Variants in MYRFL observed in about 807,000 individuals in gnomAD.
MYRFL encodes the protein myelin regulatory factor like.
A neutral mutation model predicts 109.4 loss-of-function variants in MYRFL; 88 were observed. The observed-to-expected ratio is 0.80, with a 90% CI of 0.68 to 0.96. MYRFL has a LOEUF of 0.96. Among genes scored for constraint, MYRFL ranks in the 40% least tolerant of loss-of-function variants. The pLI is 0.00. For missense variants in MYRFL, 957 were observed against 954.9 expected, an observed-to-expected ratio of 1.00 and a Z score of -0.03; for synonymous variants, 324 against 320.9, an observed-to-expected ratio of 1.01 and a Z score of -0.10.
intron 2 of MYRFL, among the ~76,000 whole-genome samples, chr12:69,868,602 T>G (rs1219187494): frequency 6.6e-6 from 1 of 152,194 alleles, no homozygotes; most frequent in Admixed American, 6.5e-5. Context: ...CCTTGCAGTC[T>G]GCCAGCACAG....
At chr12:69,927,397 G>T (rs201000639) in intron 14 of MYRFL, among the ~76,000 whole-genome samples, 1 of 144,888 alleles carries the variant, frequency 6.9e-6, no homozygotes, top group African/African-American at 2.5e-5. Flanking sequence ...TGGTCCTCAG[G>T]GGGAAAACTT....
chr12:69,903,986 A>G lies in MYRFL; in HGVS notation c.1383+142A>G, dbSNP rs1954278208. The G allele has an allele frequency of 1.1e-5, 8 of 700,430 alleles. No individual in the cohort carries two copies. The Admixed American group carries it at 2.6e-4, about 22-fold the overall frequency. 43.4% of individuals were successfully genotyped at this position (700,430 alleles called of 1,614,324 possible). A position where few individuals can be genotyped will look rare whatever the true frequency, so the allele number is the denominator to read the frequency against. On this transcript the variant is annotated intron_variant, in intron 11 of 24. Coordinates refer to ENST00000552032, the MANE Select transcript of MYRFL (RefSeq NM_182530.3). ...GAGATGAACACACTGCTTAAAAATG[A>G]TGACTGAGCTGCTGGGCATCTCTGC...
intron 19 of MYRFL, among the ~76,000 whole-genome samples, chr12:69,949,106 A>C (rs1043798687): frequency 6.6e-6 from 1 of 152,192 alleles, no homozygotes; most frequent in Non-Finnish European, 1.5e-5. Context: ...GTGAATGGGT[A>C]AGTAAACTAG....
At chr12:69,952,247 T>A in intron 20 of MYRFL, 72 bp downstream of exon 20, 3 of 1,361,222 alleles carry the variant, frequency 2.2e-6, no homozygotes, top group Non-Finnish European at 3.0e-6. Flanking sequence ...TGTAAAAGCA[T>A]TGCTGGAGTG....
At chr12:69,852,697 C>T (rs1448875361) in intron 1 of MYRFL, among the ~76,000 whole-genome samples, 1 of 147,752 alleles carries the variant, frequency 6.8e-6, no homozygotes, top group Non-Finnish European at 1.5e-5. Context: ...AACATGTGAA[C>T]AAGGGTCTCT....
rs771415901 is a variant in MYRFL, at chr12:69,891,153, T to G, written c.890T>G (p.Val297Gly). ...CCAATAGAAATGTTTTACTTGAAAG[T>G]TTTTGGCACTAAGGTATGTCTTTTA... ...LKPIEMFYLK[V>G]FGTKVEATNQ... The change falls in exon 7 of 25, where the codon GTT becomes GGT. Residue 297 changes from valine to glycine, a missense_variant. Val to Gly is a moderately radical substitution (Grantham distance 109). Coordinates refer to ENST00000552032, the MANE Select transcript of MYRFL (RefSeq NM_182530.3). 16 of 1,514,452 alleles carry G rather than the reference T, an allele frequency of 1.1e-5. No homozygotes were observed. The South Asian group carries it at 1.9e-4, about 18-fold the overall frequency. The allele number at this position is 1,514,452 out of a possible 1,614,324, so 93.8% of individuals were successfully genotyped here. A position where few individuals can be genotyped will look rare whatever the true frequency, so the allele number is the denominator to read the frequency against.
At chr12:69,935,731 C>T (rs1592863364) in intron 16 of MYRFL, among the ~76,000 whole-genome samples, 1 of 152,220 alleles carries the variant, frequency 6.6e-6, no homozygotes, top group Non-Finnish European at 1.5e-5. Context: ...TGCCCTCCAC[C>T]GGTGGCACGC....
chr12:69,903,968 A>G, intron 11 of MYRFL, 124 bp downstream of exon 11: 3 of 836,632 alleles, frequency 3.6e-6, no homozygotes, highest in Non-Finnish European at 5.3e-6. Flanking sequence ...TGTGAGATGA[A>G]CACACTGCTT....
In MYRFL at chr12:69,942,179, AT is replaced by A. The variant is rs1955675437; in HGVS notation, c.2224+5551del. 1.6e-5 allele frequency among the ~76,000 whole-genome samples: 2 copies of A among 127,556 alleles called. 1 individual carries two copies. Among genetic ancestry groups the A allele is most frequent in the South Asian group, 5.7e-4 (2 of 3,482 alleles). The allele number at this position is 127,556 out of a possible 152,430, so 83.7% of individuals were successfully genotyped here. ...AAAAAGAGGGAATCCTCCCTAACTC[AT>A]TTTATGAGGCCAGCATCATTCTGAT... On this transcript the variant is annotated intron_variant, in intron 19 of 24. Transcript: ENST00000552032.
At chr12:69,848,787 CTTATT>C (rs1883710876) in intron 1 of MYRFL, among the ~76,000 whole-genome samples, 1 of 152,124 alleles carries the variant, frequency 6.6e-6, no homozygotes, top group Non-Finnish European at 1.5e-5. Flanking sequence ...AACTAAAATA[CTTATT>C]TTATTTCTAA....
intron 5 of MYRFL, among the ~76,000 whole-genome samples, chr12:69,880,951 G>GGTTTTTTTTTTTTTTTTTTTTTTTTT (rs1555246956): frequency 2.7e-5 from 3 of 112,626 alleles, no homozygotes; most frequent in Non-Finnish European, 3.6e-5. Flanking sequence ...CAGCCTTCCT[G>GGTTTTTTTTTTTTTTTTTTTTTTTTT]TTTTTTTTTT....
At chr12:69,884,192 A>G (rs1241244024) in intron 5 of MYRFL, among the ~76,000 whole-genome samples, 1 of 152,254 alleles carries the variant, frequency 6.6e-6, no homozygotes, top group Non-Finnish European at 1.5e-5. Context: ...GAGATAATTT[A>G]AGGAGCTGAT....
In MYRFL at chr12:69,847,843, G is replaced by A. The variant is rs80200514; in HGVS notation, c.47-7437G>A. ...AGAAGCAGCATTTGCTTTCAACCTTGCTTTTCATGTAGTCTGAAAAAATCA... is the reference window on the plus strand; with the variant it reads ...AGAAGCAGCATTTGCTTTCAACCTTACTTTTCATGTAGTCTGAAAAAATCA... On this transcript the variant is annotated intron_variant, in intron 1 of 24. Transcript: ENST00000552032. 4.3e-4 allele frequency among the ~76,000 whole-genome samples: 66 copies of A among 152,156 alleles called. No homozygotes were observed. The East Asian group carries it at 0.011, about 24-fold the overall frequency.
intron 5 of MYRFL, among the ~76,000 whole-genome samples, chr12:69,884,444 C>T (rs907478703): frequency 2.0e-5 from 3 of 152,208 alleles, no homozygotes; most frequent in African/African-American, 7.2e-5. Flanking sequence ...GATACCCTTA[C>T]TGTTGTGATG....
At chr12:69,944,438 A>C (rs1665589891) in intron 19 of MYRFL, among the ~76,000 whole-genome samples, 2 of 146,240 alleles carry the variant, frequency 1.4e-5, no homozygotes, top group South Asian at 4.6e-4. Flanking sequence ...GCAAGAACAA[A>C]AAACCAAACA....
At chr12:69,904,066 T>G (rs1337184709) in intron 11 of MYRFL, 2 of 461,922 alleles carry the variant, frequency 4.3e-6, no homozygotes, top group Admixed American at 7.3e-5. Flanking sequence ...ACAGGAGCAG[T>G]GGGCAAAGAC....
At chr12:69,918,776 T>C (rs1177777945) in intron 13 of MYRFL, among the ~76,000 whole-genome samples, 1 of 152,224 alleles carries the variant, frequency 6.6e-6, no homozygotes, top group South Asian at 2.1e-4. Flanking sequence ...TTTGATTCAG[T>C]GTTTCATTGG....
In MYRFL at chr12:69,936,316, G is replaced by A. The variant is rs1303105417; in HGVS notation, c.2025G>A (p.Leu675=). 3 of 1,536,046 alleles carry A rather than the reference G, an allele frequency of 2.0e-6. No homozygotes were observed. Among genetic ancestry groups the A allele is most frequent in the African/African-American group, 2.7e-5 (2 of 72,990 alleles). Residue 675 remains leucine, a synonymous_variant, in exon 18 of 25, where the codon CTG becomes CTA. Coordinates refer to ENST00000552032, the MANE Select transcript of MYRFL (RefSeq NM_182530.3). The stretch of plus-strand genomic sequence containing the variant: ...CAAGCTCACAGGAGCCAGCTCTGCT[G>A]CCCACAGCCTCCTCCTCAGGTAAAG... ...NITSSQEPAL[L]PTASSSAPNT...
chr12:69,833,893 C>T (rs1258366195), intron 1 of MYRFL, among the ~76,000 whole-genome samples: 1 of 141,910 alleles, frequency 7.0e-6, no homozygotes, highest in Non-Finnish European at 1.5e-5. Context: ...TAGCAGTTGG[C>T]ACTTTACTGC....
Sources: allele counts gnomAD v4.1 joint callset (sites outside exome capture counted in the v4.1 genomes callset), GRCh38; gene constraint gnomAD v4.1.1; transcripts MANE v1.5; gene names NCBI Gene and HGNC (gene_info 2026-07-23, HGNC 2026-07-21).